Variants in LMCD1 observed in about 807,000 individuals in gnomAD.
LMCD1 encodes LIM and cysteine rich domains 1.
LMCD1 carries 32 observed loss-of-function variants against 42.7 expected under a neutral mutation model. That is an observed-to-expected ratio of 0.75 (90% CI 0.57 to 1.01). LMCD1 has a LOEUF of 1.01. Among genes scored for constraint, LMCD1 ranks in the 50% least tolerant of loss-of-function variants. The pLI, the probability that LMCD1 is intolerant of heterozygous loss-of-function variation, is 0.00. For synonymous variants in LMCD1, 178 were observed against 184.9 expected (o/e 0.96, Z 0.30); for missense variants, 458 against 483.1 (o/e 0.95, Z 0.49).
chr3:8,516,198 ACT>A (rs1694095040), intron 1 of LMCD1, among the ~76,000 whole-genome samples: 1 of 151,942 alleles, frequency 6.6e-6, no homozygotes, highest in Non-Finnish European at 1.5e-5. Context: ...TTGAGAACAA[ACT>A]CTAGTGATTT....
chr3:8,553,922 C>T (rs1275195653), intron 4 of LMCD1, among the ~76,000 whole-genome samples: 1 of 152,186 alleles, frequency 6.6e-6, no homozygotes, highest in African/African-American at 2.4e-5. Context: ...TTTAGTCTCC[C>T]TCTTTTCCTC....
chr3:8,514,210 A>G (rs1694056728), intron 1 of LMCD1, among the ~76,000 whole-genome samples: 1 of 152,234 alleles, frequency 6.6e-6, no homozygotes, highest in South Asian at 2.1e-4. Context: ...ACAGGTGAAG[A>G]CTTGAATAAG....
At chr3:8,563,989 G>C (rs576308379) in intron 4 of LMCD1, among the ~76,000 whole-genome samples, 122 of 152,290 alleles carry the variant, frequency 8.0e-4, no homozygotes, top group African/African-American at 2.8e-3. Flanking sequence ...AACAAAGTCT[G>C]AGAAACTGTC....
At chr3:8,556,208 A>G (rs1025578806) in intron 4 of LMCD1, among the ~76,000 whole-genome samples, 9 of 152,190 alleles carry the variant, frequency 5.9e-5, no homozygotes, top group Non-Finnish European at 7.3e-5. Context: ...AAAGTATATC[A>G]TCCTCCTTTT....
intron 4 of LMCD1, 119 bp downstream of exon 4, chr3:8,549,022 T>G: frequency 1.4e-6 from 1 of 732,118 alleles, no homozygotes; most frequent in Non-Finnish European, 2.1e-6. Flanking sequence ...AATTTGTGCA[T>G]TCAGCAGATA....
chr3:8,550,720 A>T (rs987218918), intron 4 of LMCD1: 145 of 965,936 alleles, frequency 1.5e-4, no homozygotes, highest in Non-Finnish European at 1.7e-4. Flanking sequence ...ATGGTCTATA[A>T]ACTGGTCTTT....
chr3:8,514,538 A>G (rs1311817219), intron 1 of LMCD1, among the ~76,000 whole-genome samples: 1 of 152,224 alleles, frequency 6.6e-6, no homozygotes, highest in African/African-American at 2.4e-5. Flanking sequence ...GATCACAGAT[A>G]TTCACAAAAA....
At chr3:8,525,800 G>A (rs1227258783) in intron 1 of LMCD1, among the ~76,000 whole-genome samples, 1 of 152,166 alleles carries the variant, frequency 6.6e-6, no homozygotes, top group Non-Finnish European at 1.5e-5. Context: ...AAACTTGTCT[G>A]AACATTGGCA....
intron 3 of LMCD1, among the ~76,000 whole-genome samples, chr3:8,541,252 A>G (rs2125027501): frequency 6.6e-6 from 1 of 152,306 alleles, no homozygotes; most frequent in South Asian, 2.1e-4. Flanking sequence ...CAAGTAACTC[A>G]GAAAGGTCCT....
chr3:8,543,886 G>T (rs899455964), intron 3 of LMCD1, among the ~76,000 whole-genome samples: 2 of 152,186 alleles, frequency 1.3e-5, no homozygotes, highest in African/African-American at 4.8e-5. Context: ...AGGTTCTTCA[G>T]ACCTACCTGA....
chr3:8,524,446 C>T (rs183269006), intron 1 of LMCD1, among the ~76,000 whole-genome samples: 37 of 152,110 alleles, frequency 2.4e-4, no homozygotes, highest in Non-Finnish European at 1.5e-4. Flanking sequence ...GGTTTCCCTT[C>T]GGTCTGGTTA....
intron 1 of LMCD1, among the ~76,000 whole-genome samples, chr3:8,503,749 C>A (rs1693817048): frequency 6.6e-6 from 1 of 152,156 alleles, no homozygotes; most frequent in Admixed American, 6.5e-5. Flanking sequence ...GTCTGAACTG[C>A]CTCCCCAAGT....
chr3:8,534,479 C>G (rs1042643533), intron 2 of LMCD1, among the ~76,000 whole-genome samples: 2 of 152,178 alleles, frequency 1.3e-5, no homozygotes, highest in African/African-American at 4.8e-5. Context: ...CTTGCAGGTC[C>G]TGCATATCAA....
intron 4 of LMCD1, among the ~76,000 whole-genome samples, chr3:8,551,575 G>A (rs17728158): frequency 0.057 from 8,638 of 152,248 alleles, 320 homozygotes; most frequent in Middle Eastern, 0.11. Flanking sequence ...TGTAAAACCC[G>A]GCTTGTTATT....
At chr3:8,511,050 A>C (rs1454070431) in intron 1 of LMCD1, among the ~76,000 whole-genome samples, 2 of 151,996 alleles carry the variant, frequency 1.3e-5, no homozygotes, top group African/African-American at 2.4e-5. Flanking sequence ...TCAAATTCCA[A>C]CTCTGCCACT....
intron 1 of LMCD1, among the ~76,000 whole-genome samples, chr3:8,518,259 T>A (rs2125014766): frequency 1.3e-5 from 2 of 152,354 alleles, no homozygotes; most frequent in East Asian, 3.9e-4. Flanking sequence ...ATGGAAAGGC[T>A]GCAAGGCTTA....
intron 4 of LMCD1, among the ~76,000 whole-genome samples, chr3:8,555,023 A>C (rs2125035849): frequency 6.6e-6 from 1 of 152,262 alleles, no homozygotes; most frequent in East Asian, 1.9e-4. Flanking sequence ...ACTTAAGAGG[A>C]GGACAGCCCA....
chr3:8,567,682 T>C lies in LMCD1; in HGVS notation c.*84T>C, dbSNP rs11925097. The stretch of plus-strand genomic sequence containing the variant: ...TGCCGAGACCATCCTAAGGGTCCGA[T>C]GTGACAGCAAGCAAGTGAAATAAAC... On this transcript the variant is annotated 3_prime_UTR_variant, in exon 6 of 6. Coordinates refer to ENST00000157600, the MANE Select transcript of LMCD1 (RefSeq NM_014583.4). The C allele has an allele frequency of 3.2e-3, 4,329 of 1,339,864 alleles. 119 individuals carry two copies. The African/African-American group carries it at 0.057, about 18-fold the overall frequency. The allele number at this position is 1,339,864 out of a possible 1,614,324, so 83.0% of individuals were successfully genotyped here.
intron 4 of LMCD1, 151 bp from the exon 5 acceptor site, chr3:8,565,281 G>A: frequency 1.2e-5 from 8 of 677,674 alleles, no homozygotes; most frequent in South Asian, 8.6e-5. Flanking sequence ...TTATTGTGTC[G>A]CTTTGCAGAT....
Sources: allele counts gnomAD v4.1 joint callset (sites outside exome capture counted in the v4.1 genomes callset), GRCh38; gene constraint gnomAD v4.1.1; transcripts MANE v1.5; gene names NCBI Gene and HGNC (gene_info 2026-07-23, HGNC 2026-07-21).